Variants in YJU2B observed in about 807,000 individuals in gnomAD.
YJU2B encodes the protein YJU2 splicing factor homolog B, also known as probable splicing factor YJU2B.
Under a neutral mutation model 38.0 loss-of-function variants are expected in YJU2B, and 18 were observed. The observed-to-expected ratio is 0.47, with a 90% CI of 0.33 to 0.70. The LOEUF (loss-of-function observed/expected upper bound fraction) is 0.70, where lower values mean the gene tolerates loss of function less well. Among genes scored for constraint, YJU2B ranks in the 30% least tolerant of loss-of-function variants. The probability of loss-of-function intolerance (pLI) is 0.02; values close to 1 mark genes in which losing one functional copy is unlikely to be tolerated. For missense variants in YJU2B, 538 were observed against 556.3 expected, an observed-to-expected ratio of 0.97 and a Z score of 0.33; for synonymous variants, 246 against 225.4, an observed-to-expected ratio of 1.09 and a Z score of -0.82.
Position 13,762,774 on chromosome 19 carries a change from G to T in YJU2B, c.897G>T (p.Arg299Ser). Residue 299 changes from arginine to serine, a missense_variant, in exon 10 of 10, where the codon AGG becomes AGT. By Grantham distance (110) the Arg-to-Ser change is moderately radical. Around this residue, in one of 2 missense-constraint regions of YJU2B, gnomAD observed 488 missense variants for 469.5 expected, o/e 1.04. Coordinates refer to ENST00000221554, the MANE Select transcript of YJU2B (RefSeq NM_030818.4). Reference sequence around the variant, plus strand: ...GGGACCTGGGCATCGTGCGGCGGAGGTCTCGGGACGTCCCGGAGAGCCCCC... The same window carrying T: ...GGGACCTGGGCATCGTGCGGCGGAGTTCTCGGGACGTCCCGGAGAGCCCCC... ...TVGDLGIVRR[R>S]SRDVPESPQH... The T allele has an allele frequency of 6.2e-7, 1 of 1,604,516 alleles. No individual in the cohort carries two copies. The highest frequency in any genetic ancestry group is 8.5e-7 in the Non-Finnish European group (1 of 1,176,850).
chr19:13,746,945 G>T (rs1306951225), upstream of YJU2B, among the ~76,000 whole-genome samples: 1 of 152,090 alleles, frequency 6.6e-6, no homozygotes, highest in Non-Finnish European at 1.5e-5. Context: ...TAGGGGTTTG[G>T]GGCTTCTGGG....
intron 3 of YJU2B, among the ~76,000 whole-genome samples, chr19:13,755,545 A>G (rs2145148332): frequency 6.6e-6 from 1 of 152,132 alleles, no homozygotes; most frequent in East Asian, 1.9e-4. Context: ...CATCTTCCCC[A>G]TAAAACCTGG....
At chr19:13,761,698 T>TAGTG (rs945422173) in intron 8 of YJU2B, 2 of 151,444 alleles carry the variant, frequency 1.3e-5, no homozygotes, top group African/African-American at 4.9e-5. Flanking sequence ...CTGGGCAACA[T>TAGTG]AGTGAGACCC....
chr19:13,746,166 C>T (rs572721164), upstream of YJU2B, among the ~76,000 whole-genome samples: 3 of 152,044 alleles, frequency 2.0e-5, no homozygotes, highest in East Asian at 3.9e-4. Context: ...GCAGGAGACT[C>T]ACTTGAACCT....
intron 8 of YJU2B, 145 bp downstream of exon 8, chr19:13,759,417 G>A (rs187367819): frequency 1.1e-5 from 7 of 639,992 alleles, no homozygotes; most frequent in Non-Finnish European, 1.1e-5. Flanking sequence ...TGGTGACCAT[G>A]CCCTGTCTTA....
intron 2 of YJU2B, among the ~76,000 whole-genome samples, chr19:13,739,038 T>C (rs1233105504): frequency 6.6e-6 from 1 of 152,038 alleles, no homozygotes; most frequent in Non-Finnish European, 1.5e-5. Flanking sequence ...CACTCCAGCC[T>C]AGGTGACAGA....
chr19:13,759,587 C>G (rs907595091), intron 8 of YJU2B: 5 of 210,382 alleles, frequency 2.4e-5, no homozygotes, highest in South Asian at 3.8e-4. Context: ...CCACCCCCCC[C>G]CTCCCCCAGC....
intron 6 of YJU2B, among the ~76,000 whole-genome samples, 196 bp downstream of exon 6, chr19:13,758,042 C>T (rs929330085): frequency 6.6e-6 from 1 of 152,104 alleles, no homozygotes; most frequent in Non-Finnish European, 1.5e-5. Context: ...CCAAGTCCTC[C>T]CCCTGGCTCA....
At chr19:13,744,786 G>A (rs549480210), upstream of YJU2B, among the ~76,000 whole-genome samples, 6 of 152,246 alleles carry the variant, frequency 3.9e-5, no homozygotes, top group African/African-American at 1.4e-4. Flanking sequence ...GAGGTCAGGA[G>A]ATGGAGACCA....
intron 3 of YJU2B, among the ~76,000 whole-genome samples, chr19:13,755,979 A>G (rs392725): frequency 0.41 from 62,990 of 151,912 alleles, 14,031 homozygotes; most frequent in African/African-American, 0.58. Flanking sequence ...TAAATAAATA[A>G]GAGAGGGACT....
chr19:13,759,469 A>G (rs900817557), intron 8 of YJU2B, 197 bp downstream of exon 8: 14 of 542,120 alleles, frequency 2.6e-5, no homozygotes, highest in Non-Finnish European at 3.8e-5. Flanking sequence ...ATAGACAGAA[A>G]CAGTAGAAAT....
chr19:13,761,730 T>A (rs1384453298), intron 8 of YJU2B, among the ~76,000 whole-genome samples: 1 of 139,132 alleles, frequency 7.2e-6, no homozygotes, highest in East Asian at 2.2e-4. Flanking sequence ...AAAAAAATTT[T>A]TTTTTTTTTT....
At chr19:13,736,125 G>C (rs1157858757) in intron 2 of YJU2B, among the ~76,000 whole-genome samples, 1 of 151,888 alleles carries the variant, frequency 6.6e-6, no homozygotes, top group Non-Finnish European at 1.5e-5. Flanking sequence ...TGGAATATAG[G>C]AATATCCAAG....
upstream of YJU2B, among the ~76,000 whole-genome samples, chr19:13,743,093 G>C (rs1022752177): frequency 5.3e-5 from 8 of 152,238 alleles, no homozygotes; most frequent in Non-Finnish European, 1.2e-4. Flanking sequence ...CATGCAAGGA[G>C]AATCAGGGCA....
chr19:13,748,049 G>A (rs1367817843), intron 1 of YJU2B, 95 bp downstream of exon 1: 2 of 152,178 alleles, frequency 1.3e-5, no homozygotes, highest in African/African-American at 4.8e-5. Flanking sequence ...TTCCGCGTCG[G>A]GGGACGCGGA....
At chr19:13,743,077 G>A (rs147738852), upstream of YJU2B, among the ~76,000 whole-genome samples, 17 of 152,138 alleles carry the variant, frequency 1.1e-4, no homozygotes, top group East Asian at 1.9e-3. Flanking sequence ...GTTTATTGCA[G>A]GGCACCATGC....
intron 8 of YJU2B, among the ~76,000 whole-genome samples, chr19:13,759,797 A>ATT (rs3059654): frequency 0.05 from 6,460 of 129,790 alleles, 593 homozygotes; most frequent in African/African-American, 0.18. Flanking sequence ...CGCCTGGCTA[A>ATT]TTTTTTTTTT....
chr19:13,746,168 C>T (rs921789024), upstream of YJU2B, among the ~76,000 whole-genome samples: 1 of 151,960 alleles, frequency 6.6e-6, no homozygotes, highest in Non-Finnish European at 1.5e-5. Context: ...AGGAGACTCA[C>T]TTGAACCTGG....
upstream of YJU2B, among the ~76,000 whole-genome samples, chr19:13,743,411 C>T (rs976576279): frequency 1.3e-5 from 2 of 149,200 alleles, no homozygotes; most frequent in Non-Finnish European, 3.0e-5. Context: ...GAAGCCCTGT[C>T]TCTACTAAAA....
Sources: gnomAD v4.1 joint callset for allele counts (sites outside exome capture counted in the v4.1 genomes callset) on GRCh38, gnomAD v4.1.1 for gene constraint, gnomAD v4.1.1 regional missense constraint, MANE v1.5 for transcripts, NCBI Gene and HGNC (gene_info 2026-07-23, HGNC 2026-07-21) for gene names.